Variants in COL21A1 observed in about 807,000 individuals in gnomAD.
The protein encoded by COL21A1 is collagen alpha-1(XXI) chain.
A neutral mutation model predicts 137.9 loss-of-function variants in COL21A1; 149 were observed. The ratio of observed to expected loss-of-function variants is 1.08; its 90% CI spans 0.95 to 1.24. COL21A1 has a LOEUF of 1.24. Ranked by LOEUF, COL21A1 falls within the 50% of genes most tolerant of loss-of-function variation. COL21A1 has a pLI of 0.00. For synonymous variants in COL21A1, 456 were observed against 391.5 expected, an observed-to-expected ratio of 1.16 and a Z score of -1.95; for missense variants, 1,167 against 1,158.4, an observed-to-expected ratio of 1.01 and a Z score of -0.11.
intron 1 of COL21A1, among the ~76,000 whole-genome samples, chr6:56,215,522 G>A (rs1037554907): frequency 1.1e-4 from 17 of 152,058 alleles, no homozygotes; most frequent in African/African-American, 2.6e-4. Flanking sequence ...TGGCATAGTC[G>A]AAACTACTGG....
intron 1 of COL21A1, among the ~76,000 whole-genome samples, chr6:56,311,044 A>T (rs1764603703): frequency 6.6e-6 from 1 of 152,246 alleles, no homozygotes; most frequent in Non-Finnish European, 1.5e-5. Context: ...TTTAAAAGAT[A>T]TAACAAGTAT....
intron 1 of COL21A1, among the ~76,000 whole-genome samples, chr6:56,205,509 T>C (rs958267160): frequency 2.6e-5 from 4 of 152,166 alleles, no homozygotes; most frequent in South Asian, 2.1e-4. Flanking sequence ...CTATGTTTGA[T>C]TGGCATACCT....
chr6:56,230,791 A>G (rs1781511735), intron 1 of COL21A1, among the ~76,000 whole-genome samples: 1 of 151,914 alleles, frequency 6.6e-6, no homozygotes, highest in African/African-American at 2.4e-5. Flanking sequence ...CTAGCTGTAC[A>G]TGTTTATGGG....
At chr6:56,111,807 G>A (rs1302819320) in intron 16 of COL21A1, among the ~76,000 whole-genome samples, 1 of 152,010 alleles carries the variant, frequency 6.6e-6, no homozygotes, top group Non-Finnish European at 1.5e-5. Context: ...CTGGAAGGCA[G>A]AGGTTGCAGT....
chr6:56,083,642 T>G lies in COL21A1; in HGVS notation c.1813-6069A>C, dbSNP rs148781977. Among the ~76,000 whole-genome samples the G allele has an allele frequency of 1.2e-3, 189 of 152,112 alleles. 1 individual carries two copies. The East Asian group carries it at 0.034, about 28-fold the overall frequency. On this transcript the variant is annotated intron_variant, in intron 17 of 29. Transcript: ENST00000244728. Reference sequence around the variant, plus strand: ...TATTATCTAATATCTGAGGACCAGATAGTTTCTATGTAATTTAAATTCCTC... The same window carrying G: ...TATTATCTAATATCTGAGGACCAGAGAGTTTCTATGTAATTTAAATTCCTC...
intron 16 of COL21A1, among the ~76,000 whole-genome samples, chr6:56,102,828 A>G (rs1032908754): frequency 1.3e-5 from 2 of 152,190 alleles, no homozygotes; most frequent in Admixed American, 6.5e-5. Flanking sequence ...TTTTATTTAT[A>G]AACACTAGTT....
At chr6:56,309,722 G>A (rs770705288) in intron 1 of COL21A1, among the ~76,000 whole-genome samples, 1 of 152,156 alleles carries the variant, frequency 6.6e-6, no homozygotes, top group African/African-American at 2.4e-5. Context: ...GAAGGGACCT[G>A]AGCAGTTCAT....
intron 19 of COL21A1, 62 bp from the exon 20 acceptor site, chr6:56,074,347 C>T: frequency 8.9e-7 from 1 of 1,124,212 alleles, no homozygotes; most frequent in Non-Finnish European, 1.3e-6. Context: ...AATATTAAAT[C>T]AATTTCCAAG....
intron 1 of COL21A1, among the ~76,000 whole-genome samples, chr6:56,254,611 C>T (rs904637918): frequency 1.3e-5 from 2 of 151,950 alleles, no homozygotes; most frequent in Non-Finnish European, 2.9e-5. Context: ...TATAAAGCTC[C>T]CTTGGTTGGA....
At chr6:56,215,102 T>G (rs1229256173) in intron 1 of COL21A1, among the ~76,000 whole-genome samples, 1 of 152,068 alleles carries the variant, frequency 6.6e-6, no homozygotes, top group Non-Finnish European at 1.5e-5. Flanking sequence ...ATTTGACACT[T>G]AAAGTATTGT....
intron 16 of COL21A1, among the ~76,000 whole-genome samples, chr6:56,104,492 A>T (rs1422224835): frequency 6.6e-6 from 1 of 152,170 alleles, no homozygotes; most frequent in East Asian, 1.9e-4. Context: ...CAAATGCAAG[A>T]TACAACCAGC....
intron 1 of COL21A1, among the ~76,000 whole-genome samples, chr6:56,346,088 TA>T (rs1371553150): frequency 6.6e-6 from 1 of 152,218 alleles, no homozygotes; most frequent in Non-Finnish European, 1.5e-5. Flanking sequence ...TTATATACAG[TA>T]AAATACACAA....
intron 1 of COL21A1, among the ~76,000 whole-genome samples, chr6:56,306,609 G>A (rs1369806937): frequency 6.6e-6 from 1 of 152,174 alleles, no homozygotes. Flanking sequence ...TTTCTGCATT[G>A]ATTATTCTAG....
At chr6:56,262,463 C>T (rs887017022) in intron 1 of COL21A1, among the ~76,000 whole-genome samples, 6 of 152,040 alleles carry the variant, frequency 3.9e-5, no homozygotes, top group African/African-American at 1.4e-4. Flanking sequence ...AAGCCAAAAG[C>T]ATAATACTAG....
chr6:56,123,507 A>C (rs1253315357), intron 16 of COL21A1, among the ~76,000 whole-genome samples: 1 of 152,196 alleles, frequency 6.6e-6, no homozygotes, highest in African/African-American at 2.4e-5. Flanking sequence ...GATTGACCAA[A>C]TGGCCTCTTC....
rs1776971248 is a variant in COL21A1, at chr6:56,170,741, T to G, written c.934A>C (p.Thr312Pro). ...AAGATTTTGTCCACACCATTTAAGG[T>G]AACTGCTATTTGTGGCCTTCCATCA... is the stretch of plus-strand genomic sequence containing the variant. ...TIDGRPQIAV[T>P]LNGVDKILLF... is the part of the protein sequence containing the mutation. The change falls in exon 5 of 30, where the codon ACC (threonine) becomes CCC (proline). Residue 312 changes from threonine to proline, a missense_variant. Coordinates refer to ENST00000244728, the MANE Select transcript of COL21A1 (RefSeq NM_030820.4). The G allele has an allele frequency of 2.3e-5, 37 of 1,608,142 alleles. No individual in the cohort carries two copies. The highest frequency in any genetic ancestry group is 3.0e-5 in the Non-Finnish European group (35 of 1,176,548).
chr6:56,164,340 A>G (rs1776407798), intron 9 of COL21A1, 83 bp downstream of exon 9: 1 of 890,704 alleles, frequency 1.1e-6, no homozygotes, highest in Admixed American at 2.1e-5. Flanking sequence ...TCTCAACAGG[A>G]TCAATGGTGA....
intron 1 of COL21A1, among the ~76,000 whole-genome samples, chr6:56,333,910 G>A (rs1482436885): frequency 3.9e-5 from 6 of 151,974 alleles, no homozygotes; most frequent in African/African-American, 7.2e-5. Flanking sequence ...GTTGTACGTC[G>A]TCTTTGATCC....
chr6:56,136,060 T>C (rs1229718160), intron 12 of COL21A1, among the ~76,000 whole-genome samples: 1 of 152,204 alleles, frequency 6.6e-6, no homozygotes, highest in African/African-American at 2.4e-5. Flanking sequence ...AAAATACATG[T>C]GGTTTGCACA....
Sources: gnomAD v4.1 joint callset for allele counts (sites outside exome capture counted in the v4.1 genomes callset) on GRCh38, gnomAD v4.1.1 for gene constraint, MANE v1.5 for transcripts, NCBI Gene and HGNC (gene_info 2026-07-23, HGNC 2026-07-21) for gene names.